The following NDC1 variants were observed in gnomAD, a reference collection of about 807,000 sequenced individuals.
The protein encoded by NDC1 is nucleoporin NDC1.
A neutral mutation model predicts 89.8 loss-of-function variants in NDC1; 24 were observed. That is an observed-to-expected ratio of 0.27 (90% confidence interval 0.19 to 0.38). The LOEUF (loss-of-function observed/expected upper bound fraction) is 0.38, where lower values mean the gene tolerates loss of function less well. NDC1 is among the 10% of genes least tolerant of loss of function. NDC1 has a pLI of 1.00. For missense variants in NDC1, 728 were observed against 797.6 expected (o/e 0.91, Z 1.05); for synonymous variants, 296 against 284.8 (o/e 1.04, Z -0.39).
Position 53,800,719 on chromosome 1 carries a change from A to G in NDC1, c.1196T>C (p.Val399Ala), listed in dbSNP as rs372774650. The change falls in exon 11 of 18, where the codon GTG (valine) becomes GCG (alanine). Residue 399 changes from valine (V) to alanine (A), a missense_variant. Val to Ala is a moderately conservative substitution (Grantham distance 64). Coordinates refer to ENST00000371429, the MANE Select transcript of NDC1 (RefSeq NM_018087.5). The part of the protein sequence containing the change: ...TNGRVSSSYP[V>A]EPKKLNSPEE... The stretch of plus-strand genomic sequence containing the variant: ...TGGAGAATTTAATTTCTTAGGTTCC[A>G]CTGGGTAAGATGAAGACACTCTCCC... 9 of 1,614,028 alleles carry G rather than the reference A, an allele frequency of 5.6e-6. No individual in the cohort carries two copies. The highest frequency in any genetic ancestry group is 7.6e-6 in the Non-Finnish European group (9 of 1,179,994).
intron 2 of NDC1, among the ~76,000 whole-genome samples, chr1:53,833,945 C>T (rs1252832130): frequency 6.6e-6 from 1 of 151,942 alleles, no homozygotes; most frequent in African/African-American, 2.4e-5. Context: ...ATTCTCCTGC[C>T]TCAGCCTCCC....
chr1:53,803,702 G>A (rs1416848443), intron 10 of NDC1, among the ~76,000 whole-genome samples: 3 of 152,152 alleles, frequency 2.0e-5, no homozygotes, highest in Admixed American at 1.3e-4. Flanking sequence ...CTTTCCAGCA[G>A]CTGGGACTAC....
At chr1:53,777,070 C>A (rs1647169769) in intron 16 of NDC1, among the ~76,000 whole-genome samples, 1 of 151,882 alleles carries the variant, frequency 6.6e-6, no homozygotes, top group Non-Finnish European at 1.5e-5. Flanking sequence ...CTCTGTTGCC[C>A]AGGCTGAAGT....
chr1:53,793,949 A>G (rs1647608333), intron 13 of NDC1, among the ~76,000 whole-genome samples: 1 of 151,870 alleles, frequency 6.6e-6, no homozygotes, highest in Non-Finnish European at 1.5e-5. Flanking sequence ...TACCCAAAAA[A>G]AGAGTATGTT....
intron 16 of NDC1, among the ~76,000 whole-genome samples, chr1:53,784,561 G>C (rs1284570514): frequency 6.6e-6 from 1 of 152,192 alleles, no homozygotes; most frequent in Non-Finnish European, 1.5e-5. Flanking sequence ...GGGAGGCCGA[G>C]GTAGGTGGAT....
At chr1:53,788,716 C>T (rs181136111) in intron 15 of NDC1, among the ~76,000 whole-genome samples, 45 of 151,984 alleles carry the variant, frequency 3.0e-4, no homozygotes, top group Non-Finnish European at 5.3e-4. Flanking sequence ...CGTGAGCCAC[C>T]GCAACTGGCC....
Position 53,786,788 on chromosome 1 carries a change from C to T in NDC1, c.1800+370G>A, listed in dbSNP as rs144314626. Reference sequence around the variant, plus strand: ...TCGTAGCTCACTGCAGCCTCAAACTCCTGGCTCCAACGATCCTCCCACCTC... The same window carrying T: ...TCGTAGCTCACTGCAGCCTCAAACTTCTGGCTCCAACGATCCTCCCACCTC... On this transcript the variant is annotated intron_variant, in intron 16 of 17. Transcript: ENST00000371429. Among the ~76,000 whole-genome samples the T allele has an allele frequency of 3.9e-3, 599 of 152,270 alleles. 2 individuals are homozygous for T. Among genetic ancestry groups the T allele is most frequent in the African/African-American group, 0.013 (561 of 41,558 alleles).
At chr1:53,794,990 C>T (rs1260248862) in intron 13 of NDC1, among the ~76,000 whole-genome samples, 1 of 152,136 alleles carries the variant, frequency 6.6e-6, no homozygotes, top group Non-Finnish European at 1.5e-5. Context: ...TTGTGGTCTC[C>T]AATTCGTCTA....
chr1:53,833,444 G>A (rs1421177118), intron 2 of NDC1, among the ~76,000 whole-genome samples: 1 of 152,050 alleles, frequency 6.6e-6, no homozygotes, highest in Non-Finnish European at 1.5e-5. Flanking sequence ...CCACGCATAT[G>A]CAAATATTTA....
Position 53,796,725 on chromosome 1 carries a change from A to G in NDC1, c.1548T>C (p.Ser516=). 6.2e-7 allele frequency: 1 copy of G among 1,610,708 alleles called. No homozygotes were observed. Among genetic ancestry groups the G allele is most frequent in the Admixed American group, 1.7e-5 (1 of 59,000 alleles). The change falls in exon 13 of 18, where the codon AGT becomes AGC. Residue 516 remains serine, a synonymous_variant. Coordinates refer to ENST00000371429, the MANE Select transcript of NDC1 (RefSeq NM_018087.5). The part of the protein sequence containing the change: ...SAEGKTMRQP[S]VIYSWIQNKR... ...TATTCTGAATCCATGAATAAATCAC[A>G]CTGGGTTGTCTCATTGTCTTACCCT...
At chr1:53,813,801 T>C (rs974015191) in intron 6 of NDC1, among the ~76,000 whole-genome samples, 13 of 152,258 alleles carry the variant, frequency 8.5e-5, no homozygotes, top group African/African-American at 2.9e-4. Flanking sequence ...ACAGAACATT[T>C]CATCCAACAG....
chr1:53,788,545 A>C (rs1291291589), intron 15 of NDC1, among the ~76,000 whole-genome samples: 10 of 151,960 alleles, frequency 6.6e-5, no homozygotes, highest in Admixed American at 6.6e-4. Context: ...CTCTGGTCTC[A>C]GCCTCCCGAG....
intron 1 of NDC1, 131 bp downstream of exon 1, chr1:53,838,074 G>A: frequency 1.3e-6 from 1 of 797,068 alleles, no homozygotes; most frequent in Non-Finnish European, 2.0e-6. Context: ...CCCCCAAGTG[G>A]TGCCTTCCCC....
intron 9 of NDC1, among the ~76,000 whole-genome samples, chr1:53,805,815 C>A (rs1648082303): frequency 6.6e-6 from 1 of 152,188 alleles, no homozygotes; most frequent in African/African-American, 2.4e-5. Flanking sequence ...TGGCTCACGC[C>A]TGTAATCCCA....
chr1:53,787,303 C>G (rs998612001), intron 15 of NDC1, 45 bp from the exon 16 acceptor site: 17 of 1,069,630 alleles, frequency 1.6e-5, no homozygotes, highest in Non-Finnish European at 2.2e-5. Flanking sequence ...CAAAATTAGG[C>G]AAAACTATTT....
intron 4 of NDC1, among the ~76,000 whole-genome samples, chr1:53,826,335 A>T (rs1648862178): frequency 6.6e-6 from 1 of 152,214 alleles, no homozygotes; most frequent in Non-Finnish European, 1.5e-5. Context: ...CTGTGCCCAT[A>T]AAATTGCTAC....
chr1:53,807,514 T>C (rs1648151707), intron 8 of NDC1, 142 bp downstream of exon 8: 4 of 551,670 alleles, frequency 7.3e-6, no homozygotes, highest in Admixed American at 3.8e-5. Flanking sequence ...ACAAATGATA[T>C]GGCCCCAAGA....
At chr1:53,792,705 G>A (rs996576335) in intron 14 of NDC1, among the ~76,000 whole-genome samples, 13 of 152,332 alleles carry the variant, frequency 8.5e-5, no homozygotes, top group African/African-American at 2.9e-4. Context: ...AGCAAAAACA[G>A]GAATCAATCT....
At chr1:53,787,323 C>CTA in intron 15 of NDC1, 65 bp from the exon 16 acceptor site, 1 of 886,672 alleles carries the variant, frequency 1.1e-6, no homozygotes, top group East Asian at 2.4e-5. Flanking sequence ...TGAAATACAT[C>CTA]TATTTTAGGA....
Sources: allele counts gnomAD v4.1 joint callset (sites outside exome capture counted in the v4.1 genomes callset), GRCh38; gene constraint gnomAD v4.1.1; transcripts MANE v1.5; gene names NCBI Gene and HGNC (gene_info 2026-07-23, HGNC 2026-07-21).